The following SLC4A4 variants were observed in gnomAD, a reference collection of about 807,000 sequenced individuals.
SLC4A4 encodes solute carrier family 4 member 4, also known as electrogenic sodium bicarbonate cotransporter 1.
A neutral mutation model predicts 111.5 loss-of-function variants in SLC4A4; 27 were observed. The observed-to-expected ratio is 0.24, with a 90% CI of 0.18 to 0.33. The LOEUF is 0.33. Ranked by LOEUF, SLC4A4 falls within the 10% of genes least tolerant of loss-of-function variation. The pLI is 1.00. For missense variants in SLC4A4, 909 were observed against 1,315.5 expected (o/e 0.69, Z 4.78); for synonymous variants, 443 against 463.4 (o/e 0.96, Z 0.57).
chr4:71,467,360 A>T (rs1185350242), intron 13 of SLC4A4, among the ~76,000 whole-genome samples: 1 of 152,154 alleles, frequency 6.6e-6, no homozygotes, highest in Non-Finnish European at 1.5e-5. Context: ...AACTAAAGAT[A>T]GCTTCCAAAA....
intron 1 of SLC4A4, among the ~76,000 whole-genome samples, chr4:71,091,253 ATT>A (rs3065802): frequency 0.017 from 2,191 of 125,456 alleles, 43 homozygotes; most frequent in African/African-American, 0.057. Context: ...TGGCCTTGAA[ATT>A]TTTTTTTTTT....
chr4:71,248,566 T>C (rs899940505), intron 2 of SLC4A4, among the ~76,000 whole-genome samples: 8 of 152,040 alleles, frequency 5.3e-5, no homozygotes, highest in African/African-American at 1.9e-4. Flanking sequence ...GGAACTGCAG[T>C]TTACATAGGG....
chr4:71,293,500 T>A (rs907404214), intron 3 of SLC4A4, among the ~76,000 whole-genome samples: 1 of 150,918 alleles, frequency 6.6e-6, no homozygotes, highest in Admixed American at 6.6e-5. Flanking sequence ...GAGGCGGAGG[T>A]TGCAATGAGC....
At chr4:71,494,515 A>G (rs1730224021) in intron 15 of SLC4A4, among the ~76,000 whole-genome samples, 1 of 151,800 alleles carries the variant, frequency 6.6e-6, no homozygotes, top group African/African-American at 2.4e-5. Context: ...AGGTCTTGCT[A>G]TGTTGCCCAG....
chr4:71,448,126 C>A (rs1280985340), intron 9 of SLC4A4, among the ~76,000 whole-genome samples: 1 of 151,918 alleles, frequency 6.6e-6, no homozygotes, highest in Non-Finnish European at 1.5e-5. Context: ...TCGAGACCAG[C>A]CTGACCAACA....
At chr4:71,305,187 G>A (rs1725584797) in intron 3 of SLC4A4, among the ~76,000 whole-genome samples, 1 of 152,238 alleles carries the variant, frequency 6.6e-6, no homozygotes, top group South Asian at 2.1e-4. Flanking sequence ...AGTAGGTGGT[G>A]AAGTTGGGAT....
At chr4:71,121,683 GCT>G (rs1203602293) in intron 2 of SLC4A4, among the ~76,000 whole-genome samples, 1 of 151,662 alleles carries the variant, frequency 6.6e-6, no homozygotes, top group African/African-American at 2.4e-5. Flanking sequence ...GGACCAATCA[GCT>G]CTCTGTAAAA....
chr4:71,508,514 A>G (rs931502499), intron 16 of SLC4A4, among the ~76,000 whole-genome samples: 5 of 152,154 alleles, frequency 3.3e-5, no homozygotes, highest in African/African-American at 9.7e-5. Context: ...TCCAGAACAA[A>G]TGGATAAATT....
intron 2 of SLC4A4, among the ~76,000 whole-genome samples, chr4:71,134,918 C>A (rs1743803068): frequency 6.6e-6 from 1 of 152,120 alleles, no homozygotes; most frequent in African/African-American, 2.4e-5. Flanking sequence ...TAAGAGCTGA[C>A]CTTCAGCTCT....
chr4:71,445,968 C>T (rs932182904), intron 8 of SLC4A4, among the ~76,000 whole-genome samples: 2 of 152,164 alleles, frequency 1.3e-5, no homozygotes, highest in Non-Finnish European at 2.9e-5. Context: ...TTCCTTCATA[C>T]TTGAACAGAC....
intron 2 of SLC4A4, among the ~76,000 whole-genome samples, chr4:71,163,517 G>T (rs1055568697): frequency 5.3e-5 from 8 of 152,232 alleles, no homozygotes; most frequent in Admixed American, 3.9e-4. Flanking sequence ...TATCTCAGTC[G>T]GCTTCAACAC....
chr4:71,291,786 T>G (rs970147325), intron 3 of SLC4A4, among the ~76,000 whole-genome samples: 4 of 152,240 alleles, frequency 2.6e-5, no homozygotes, highest in Non-Finnish European at 5.9e-5. Context: ...CTTTGCTGTA[T>G]TTTTTAAAAG....
At chr4:71,362,037 G>C (rs1730839829) in intron 6 of SLC4A4, among the ~76,000 whole-genome samples, 1 of 152,072 alleles carries the variant, frequency 6.6e-6, no homozygotes, top group Non-Finnish European at 1.5e-5. Flanking sequence ...ATTGAGACCT[G>C]ACTTTAAGGA....
chr4:71,396,742 C>G (rs186537438), intron 6 of SLC4A4, among the ~76,000 whole-genome samples: 274 of 152,280 alleles, frequency 1.8e-3, no homozygotes, highest in Non-Finnish European at 1.7e-3. Context: ...TGTGGCTCTT[C>G]TACATGTCCT....
intron 3 of SLC4A4, among the ~76,000 whole-genome samples, chr4:71,320,377 A>G (rs1214453824): frequency 2.0e-5 from 3 of 151,954 alleles, no homozygotes; most frequent in African/African-American, 7.2e-5. Flanking sequence ...TGGCATTTGC[A>G]CTGTGGCCTC....
chr4:71,375,585 CAT>C (rs1196680684), intron 6 of SLC4A4, among the ~76,000 whole-genome samples: 3 of 152,176 alleles, frequency 2.0e-5, no homozygotes, highest in East Asian at 1.9e-4. Flanking sequence ...AGACTCCTCA[CAT>C]GACATTTATC....
chr4:71,291,060 A>C (rs1298786670), intron 3 of SLC4A4, among the ~76,000 whole-genome samples: 1 of 152,258 alleles, frequency 6.6e-6, no homozygotes, highest in Non-Finnish European at 1.5e-5. Context: ...AATGACCTAC[A>C]GTTAACATCA....
intron 2 of SLC4A4, among the ~76,000 whole-genome samples, chr4:71,173,682 A>G (rs936428951): frequency 4.6e-5 from 7 of 152,240 alleles, no homozygotes; most frequent in Non-Finnish European, 4.4e-5. Context: ...GCTATCCCCA[A>G]CAATTATCTA....
chr4:71,135,553 C>T (rs1743822344), intron 2 of SLC4A4, among the ~76,000 whole-genome samples: 1 of 152,124 alleles, frequency 6.6e-6, no homozygotes, highest in African/African-American at 2.4e-5. Flanking sequence ...GCCTTGGCCT[C>T]CCAAAGTGCT....
Sources: gnomAD v4.1 joint callset for allele counts (sites outside exome capture counted in the v4.1 genomes callset) on GRCh38, gnomAD v4.1.1 for gene constraint, MANE v1.5 for transcripts, NCBI Gene and HGNC (gene_info 2026-07-23, HGNC 2026-07-21) for gene names.